The following ANAPC4 variants were observed in gnomAD, a reference collection of about 807,000 sequenced individuals.
The protein encoded by ANAPC4 is anaphase promoting complex subunit 4.
A neutral mutation model predicts 119.8 loss-of-function variants in ANAPC4; 63 were observed. The ratio of observed to expected loss-of-function variants is 0.53; its 90% CI spans 0.43 to 0.65. The LOEUF is 0.65. ANAPC4 is among the 30% of genes least tolerant of loss of function. The probability of loss-of-function intolerance (pLI) is 0.00; values close to 1 mark genes in which losing one functional copy is unlikely to be tolerated. For missense variants in ANAPC4, 716 were observed against 945.1 expected (o/e 0.76, Z 3.18); for synonymous variants, 283 against 318.6 (o/e 0.89, Z 1.19).
rs1464692785 is a variant in ANAPC4, at chr4:25,405,521, A to C, written c.1271-52A>C. The stretch of plus-strand genomic sequence containing the variant: ...TCTTTGAAATGTATTTATAATTAAA[A>C]TTATGTTTGTAGTTTGCTTTTAAAG... On this transcript the variant is annotated intron_variant, in intron 17 of 28. Transcript: ENST00000315368. This position sits in a 1 kb window ranked among gnomAD's most constrained non-coding sequence, Gnocchi z 4.6. 1 of 1,493,760 alleles carries C rather than the reference A, an allele frequency of 6.7e-7. No individual in the cohort carries two copies. Among genetic ancestry groups the C allele is most frequent in the Non-Finnish European group, 9.3e-7 (1 of 1,072,516 alleles). 92.5% of individuals were successfully genotyped at this position (1,493,760 alleles called of 1,614,324 possible).
chr4:25,407,097 C>T lies in ANAPC4; in HGVS notation c.1375-100C>T, dbSNP rs561402120. Reference sequence around the variant, plus strand: ...ATCTATAAAAGAAAATAATAACTGCCACTCACAGCTCTCTTGAAAAGGAAG... The same window carrying T: ...ATCTATAAAAGAAAATAATAACTGCTACTCACAGCTCTCTTGAAAAGGAAG... On this transcript the variant is annotated intron_variant, in intron 19 of 28. Transcript: ENST00000315368. 4.8e-5 allele frequency: 48 copies of T among 1,000,358 alleles called. No individual in the cohort carries two copies. In the East Asian group the frequency reaches 1.2e-3, roughly 25 times the overall value. 62.0% of individuals were successfully genotyped at this position (1,000,358 alleles called of 1,614,324 possible).
At chr4:25,382,126 C>A (rs79738421) in intron 3 of ANAPC4, among the ~76,000 whole-genome samples, 4 of 151,448 alleles carry the variant, frequency 2.6e-5, no homozygotes, top group Non-Finnish European at 3.0e-5. Context: ...TTTTTTTCCC[C>A]CCCCTCACTT....
At chr4:25,412,657 A>C (rs893246727) in intron 21 of ANAPC4, among the ~76,000 whole-genome samples, 2 of 152,058 alleles carry the variant, frequency 1.3e-5, no homozygotes, top group Non-Finnish European at 2.9e-5. Context: ...ACACTGAGGC[A>C]GGAGAATCGC....
intron 16 of ANAPC4, among the ~76,000 whole-genome samples, chr4:25,398,844 T>A (rs1190055014): frequency 6.6e-6 from 1 of 151,900 alleles, no homozygotes; most frequent in African/African-American, 2.4e-5. Context: ...GAGTCATAGA[T>A]AATTATGAGT....
rs1444118386 is a variant in ANAPC4 at position 25,391,493 on chromosome 4, A to G, written c.705+478A>G. ...ACTTGCTTGATGTCACAGGATGGGA[A>G]AGTGATGCTAGACAATCTGGCTGCA... On this transcript the variant is annotated intron_variant, in intron 9 of 28. Transcript: ENST00000315368. Among the ~76,000 whole-genome samples the G allele has an allele frequency of 3.9e-5, 6 of 152,248 alleles. 1 individual carries two copies. Among genetic ancestry groups the G allele is most frequent in the African/African-American group, 1.4e-4 (6 of 41,474 alleles).
At chr4:25,397,787 CTTTA>C (rs1486566648) in intron 16 of ANAPC4, among the ~76,000 whole-genome samples, 1 of 148,474 alleles carries the variant, frequency 6.7e-6, no homozygotes, top group African/African-American at 2.5e-5. Context: ...AAGCATTACT[CTTTA>C]TTCTTGATAT....
At chr4:25,413,881 A>G (rs898448118) in intron 22 of ANAPC4, 139 bp downstream of exon 22, 1 of 672,748 alleles carries the variant, frequency 1.5e-6, no homozygotes, top group Non-Finnish European at 2.5e-6. Context: ...AACAAAAGTA[A>G]CAATTTCATA....
chr4:25,393,003 G>A (rs315668), intron 10 of ANAPC4, among the ~76,000 whole-genome samples: 443 of 152,304 alleles, frequency 2.9e-3, no homozygotes, highest in African/African-American at 0.01. Flanking sequence ...GGAGTCAACA[G>A]TGTTATTTCT....
Position 25,397,031 on chromosome 4 carries a change from G to A in ANAPC4, c.1214+132G>A, listed in dbSNP as rs578095316. 4 of 902,818 alleles carry A rather than the reference G, an allele frequency of 4.4e-6. No homozygotes were observed. In the Admixed American group the frequency reaches 8.7e-5, roughly 20 times the overall value. The allele number at this position is 902,818 out of a possible 1,614,324, so 55.9% of individuals were successfully genotyped here. ...TTTTATCACAATTATGCCTTTATAT[G>A]GTTCCGAAAAGCCAGCAGCACAGAG... On this transcript the variant is annotated intron_variant, in intron 16 of 28. Coordinates refer to ENST00000315368, the MANE Select transcript of ANAPC4 (RefSeq NM_013367.3).
In ANAPC4 at chr4:25,392,908, C is replaced by T. The variant is rs140191701; in HGVS notation, c.789+487C>T. On this transcript the variant is annotated intron_variant, in intron 10 of 28. Transcript: ENST00000315368. ...CTACTCCACATCCTTCATACTCCAG[C>T]GAGCCAGCACAGGCTTGTCCACATG... 5.0e-3 allele frequency among the ~76,000 whole-genome samples: 759 copies of T among 152,248 alleles called. 5 individuals carry two copies. The highest frequency in any genetic ancestry group is 0.017 in the African/African-American group (721 of 41,538).
In ANAPC4 at chr4:25,390,940, A is replaced by T. The variant is rs1722314867; in HGVS notation, c.630A>T (p.Leu210Phe). ...CTGGTACTTGTCTTGCATTATGTTT[A>T]TCAAGTGATTTGAAATCATTATCAG... ...GIAGTCLALC[L>F]SSDLKSLSVV... Residue 210 changes from leucine (L) to phenylalanine (F), a missense_variant, in exon 9 of 29, where the codon TTA (leucine) becomes TTT (phenylalanine). Leu to Phe is a conservative substitution (Grantham distance 22). Coordinates refer to ENST00000315368, the MANE Select transcript of ANAPC4 (RefSeq NM_013367.3). The T allele has an allele frequency of 4.3e-6, 7 of 1,613,670 alleles. No homozygotes were observed. Among genetic ancestry groups the T allele is most frequent in the African/African-American group, 1.3e-5 (1 of 74,932 alleles).
In ANAPC4 at chr4:25,377,284, C is replaced by G. The variant is rs1218776894; in HGVS notation, c.-71C>G. 5.1e-6 allele frequency: 6 copies of G among 1,175,850 alleles called. No homozygotes were observed. In the South Asian group the frequency reaches 6.6e-5, roughly 13 times the overall value. The allele number at this position is 1,175,850 out of a possible 1,614,324, so 72.8% of individuals were successfully genotyped here. On this transcript the variant is annotated 5_prime_UTR_variant, in exon 1 of 29. Coordinates refer to ENST00000315368, the MANE Select transcript of ANAPC4 (RefSeq NM_013367.3). ...CGGCCTGGAGGCTGTGGCGCGCGGC[C>G]GGCAGAGGGAGGGGAGAGGCCACTG...
At chr4:25,380,240 CT>C (rs1721634735) in intron 2 of ANAPC4, 133 bp from the exon 3 acceptor site, 2 of 539,608 alleles carry the variant, frequency 3.7e-6, no homozygotes, top group African/African-American at 1.9e-5. Context: ...ACACTGTTGT[CT>C]TTTTCTATTC....
Position 25,397,037 on chromosome 4 carries a change from G to A in ANAPC4, c.1214+138G>A, listed in dbSNP as rs543806946. ...CACAATTATGCCTTTATATGGTTCC[G>A]AAAAGCCAGCAGCACAGAGAATTTA... On this transcript the variant is annotated intron_variant, in intron 16 of 28. Transcript: ENST00000315368. 8.1e-5 allele frequency: 67 copies of A among 826,638 alleles called. 1 individual carries two copies. The highest frequency in any genetic ancestry group is 7.0e-4 in the Admixed American group (23 of 32,892). The allele number at this position is 826,638 out of a possible 1,614,324, so 51.2% of individuals were successfully genotyped here.
At position 25,414,454 on chromosome 4, in the gene ANAPC4, CT is replaced by C; in HGVS notation, c.1686-8del. ...TTAAATTTTTCTCATTTCTTTTTCC[CT>C]TTTATTTTAGTGAGGATTCTACACG... On this transcript the variant is annotated splice_polypyrimidine_tract_variant and intron_variant, in intron 23 of 28. Coordinates refer to ENST00000315368, the MANE Select transcript of ANAPC4 (RefSeq NM_013367.3). 1.3e-6 allele frequency: 2 copies of C among 1,599,786 alleles called. No homozygotes were observed. The highest frequency in any genetic ancestry group is 1.3e-5 in the African/African-American group (1 of 74,402).
intron 20 of ANAPC4, 94 bp downstream of exon 20, chr4:25,407,347 T>C (rs1320822243): frequency 3.4e-6 from 3 of 877,770 alleles, no homozygotes; most frequent in Non-Finnish European, 5.0e-6. Context: ...TAATACAGGA[T>C]CTCTGCCCTT....
chr4:25,388,412 G>C, intron 4 of ANAPC4, 88 bp from the exon 5 acceptor site: 1 of 854,714 alleles, frequency 1.2e-6, no homozygotes, highest in Non-Finnish European at 1.9e-6. Context: ...TGTAAAACTG[G>C]GTATCTTTTT....
At position 25,396,691 on chromosome 4, in the gene ANAPC4, G is replaced by A; in HGVS notation, c.1089G>A (p.Leu363=). 6.2e-7 allele frequency: 1 copy of A among 1,612,822 alleles called. No homozygotes were observed. The highest frequency in any genetic ancestry group is 8.5e-7 in the Non-Finnish European group (1 of 1,179,582). The change falls in exon 15 of 29, where the codon TTG becomes TTA. Residue 363 remains leucine (L), a synonymous_variant. Transcript: ENST00000315368. ...GCTCGGAGTCTTTATTATACCATTT[G>A]AGTGAATTGAAAGGAATGGCTTCAT... ...QSGSESLLYH[L]SELKGMASWK...
intron 16 of ANAPC4, among the ~76,000 whole-genome samples, chr4:25,400,093 A>G (rs1722877979): frequency 6.6e-6 from 1 of 152,252 alleles, no homozygotes; most frequent in East Asian, 1.9e-4. Flanking sequence ...GAATAAGAGC[A>G]GATGCAGAGA....
Sources: gnomAD v4.1 joint callset for allele counts (sites outside exome capture counted in the v4.1 genomes callset) on GRCh38, gnomAD v4.1.1 for gene constraint, Gnocchi (gnomAD v3.1) non-coding constraint, MANE v1.5 for transcripts, NCBI Gene and HGNC (gene_info 2026-07-23, HGNC 2026-07-21) for gene names.